Variants in P2RX4 observed in about 807,000 individuals in gnomAD.
The protein encoded by P2RX4 is P2X purinoceptor 4.
P2RX4 carries 37 observed loss-of-function variants against 48.0 expected under a neutral mutation model. That is an observed-to-expected ratio of 0.77 (90% CI 0.59 to 1.01). The LOEUF (loss-of-function observed/expected upper bound fraction) is 1.01. Ranked by LOEUF, P2RX4 falls within the 50% of genes least tolerant of loss-of-function variation. P2RX4 has a pLI of 0.00. For synonymous variants in P2RX4, 200 were observed against 199.7 expected, an observed-to-expected ratio of 1.00 and a Z score of -0.01; for missense variants, 501 against 521.4, an observed-to-expected ratio of 0.96 and a Z score of 0.38.
In P2RX4 at chr12:121,232,458, C is replaced by T. The variant is rs566926483; in HGVS notation, c.929C>T (p.Thr310Met). Residue 310 changes from threonine (T) to methionine (M), a missense_variant, in exon 9 of 12, where the codon ACG becomes ATG. Coordinates refer to ENST00000337233, the MANE Select transcript of P2RX4 (RefSeq NM_002560.3). This position sits in a 1 kb window ranked among gnomAD's most constrained non-coding sequence, Gnocchi z 4.3. ...YRDLAGNEQR[T>M]LIKAYGIRFD... ...GACCTGGCTGGCAACGAGCAGCGCACGCTCATCAAGGCCTATGGCATCCGC... is the reference window on the plus strand; with the variant it reads ...GACCTGGCTGGCAACGAGCAGCGCATGCTCATCAAGGCCTATGGCATCCGC... 49 of 1,614,130 alleles carry T rather than the reference C, an allele frequency of 3.0e-5. No individual in the cohort carries two copies. The highest frequency in any genetic ancestry group is 6.7e-5 in the East Asian group (3 of 44,872).
At chr12:121,233,370 C>T (rs1298997209) in intron 11 of P2RX4, 153 bp from the exon 12 acceptor site, 6 of 757,058 alleles carry the variant, frequency 7.9e-6, no homozygotes, top group Admixed American at 4.3e-5. Context: ...GCACACACTA[C>T]TTCAGTGCAC....
intron 2 of P2RX4, among the ~76,000 whole-genome samples, chr12:121,221,198 T>TGTGTGTGTGTGTGTG (rs1566003252): frequency 1.5e-4 from 13 of 84,348 alleles, no homozygotes; most frequent in African/African-American, 5.2e-4. Context: ...GTGTGTGTGT[T>TGTGTGTGTGTGTGTG]TTTAGTACAA....
chr12:121,223,910 C>T (rs1463931861), intron 5 of P2RX4, among the ~76,000 whole-genome samples: 1 of 152,166 alleles, frequency 6.6e-6, no homozygotes, highest in African/African-American at 2.4e-5. Context: ...CAAAGGACAA[C>T]ACCCTAGTCT....
rs762010779 is a variant in P2RX4 at position 121,221,885 on chromosome 12, G to C, written c.283-28G>C. ...GCTCTCCGTGAGTCCTCTGAGCGTGGCTTGCCCGTGCTGTCTCCCCTCTGC... is the reference window on the plus strand; with the variant it reads ...GCTCTCCGTGAGTCCTCTGAGCGTGCCTTGCCCGTGCTGTCTCCCCTCTGC... On this transcript the variant is annotated intron_variant, in intron 2 of 11. Coordinates refer to ENST00000337233, the MANE Select transcript of P2RX4 (RefSeq NM_002560.3). The C allele has an allele frequency of 1.9e-6, 3 of 1,608,750 alleles. No homozygotes were observed. The South Asian group carries it at 3.3e-5, about 18-fold the overall frequency.
Position 121,232,664 on chromosome 12 carries a change from A to G in P2RX4, c.1032A>G (p.Ala344=), listed in dbSNP as rs2136249576. 3.1e-6 allele frequency: 5 copies of G among 1,613,686 alleles called. No homozygotes were observed. Among genetic ancestry groups the G allele is most frequent in the South Asian group, 2.2e-5 (2 of 91,080 alleles). The change falls in exon 10 of 12, where the codon GCA becomes GCG. Residue 344 remains alanine, a synonymous_variant. Coordinates refer to ENST00000337233, the MANE Select transcript of P2RX4 (RefSeq NM_002560.3). This position sits in a 1 kb window ranked among gnomAD's most constrained non-coding sequence, Gnocchi z 4.3. ...TGATCAACATCGGCTCTGGCCTGGC[A>G]CTGCTAGGCATGGTGAGTGGTTTAG... ...PTMINIGSGL[A]LLGMATVLCD... is the part of the protein sequence containing the mutation.
chr12:121,219,589 A>ATGGG (rs1209973101), intron 2 of P2RX4, among the ~76,000 whole-genome samples: 1 of 98,622 alleles, frequency 1.0e-5, no homozygotes, highest in African/African-American at 3.6e-5. Context: ...GGATGGATGG[A>ATGGG]TGGATGGATG....
intron 1 of P2RX4, chr12:121,216,649 C>T (rs748457707): frequency 3.8e-5 from 12 of 316,840 alleles, no homozygotes; most frequent in African/African-American, 1.3e-4. Flanking sequence ...GGTGAAACCC[C>T]GTCTCTACTA....
Position 121,210,149 on chromosome 12 carries a change from A to G in P2RX4, c.-16A>G. The G allele has an allele frequency of 6.6e-7, 1 of 1,519,318 alleles. No individual in the cohort carries two copies. Among genetic ancestry groups the G allele is most frequent in the South Asian group, 1.2e-5 (1 of 80,836 alleles). 94.1% of individuals were successfully genotyped at this position (1,519,318 alleles called of 1,614,324 possible). ...GACCCAGACCGACTAGGGGACTGGG[A>G]GCGGGCGGCGCGGCCATGGCGGGCT... is the stretch of plus-strand genomic sequence containing the variant. On this transcript the variant is annotated 5_prime_UTR_variant, in exon 1 of 12. Coordinates refer to ENST00000337233, the MANE Select transcript of P2RX4 (RefSeq NM_002560.3).
Position 121,223,002 on chromosome 12 carries a change from G to A in P2RX4, c.483G>A (p.Val161=), listed in dbSNP as rs1470695982. ...ACGGGTCTGTCAAGACGTGTGAGGT[G>A]GCGGCCTGGTGCCCGGTGGAGGATG... ...AFNGSVKTCE[V]AAWCPVEDDT... Residue 161 remains valine (V), a synonymous_variant, in exon 5 of 12, where the codon GTG becomes GTA. Transcript: ENST00000337233. The A allele has an allele frequency of 6.2e-7, 1 of 1,613,720 alleles. No homozygotes were observed. Among genetic ancestry groups the A allele is most frequent in the African/African-American group, 1.3e-5 (1 of 75,042 alleles).
chr12:121,223,180 T>C lies in P2RX4; in HGVS notation c.524+137T>C, dbSNP rs553904763. 6.2e-5 allele frequency: 40 copies of C among 647,090 alleles called. No individual in the cohort carries two copies. In the African/African-American group the frequency reaches 7.2e-4, roughly 12 times the overall value. 40.1% of individuals were successfully genotyped at this position (647,090 alleles called of 1,614,324 possible). Reference sequence around the variant, plus strand: ...CCTCCACCTCCCGTGTTCAAGTGATTTTCTGTGCCTCAGCCTCCCGAGTAG... The same window carrying C: ...CCTCCACCTCCCGTGTTCAAGTGATCTTCTGTGCCTCAGCCTCCCGAGTAG... On this transcript the variant is annotated intron_variant, in intron 5 of 11. Coordinates refer to ENST00000337233, the MANE Select transcript of P2RX4 (RefSeq NM_002560.3).
At chr12:121,217,762 T>TAA (rs113432941) in intron 2 of P2RX4, among the ~76,000 whole-genome samples, 10 of 52,364 alleles carry the variant, frequency 1.9e-4, no homozygotes, top group Admixed American at 4.7e-4. Flanking sequence ...CCCATCTCTA[T>TAA]AAAAAAAAAA....
chr12:121,222,341 G>A lies in P2RX4; in HGVS notation c.427+175G>A, dbSNP rs535680897. 82 of 604,982 alleles carry A rather than the reference G, an allele frequency of 1.4e-4. No homozygotes were observed. The African/African-American group carries it at 1.4e-3, about 10-fold the overall frequency. The allele number at this position is 604,982 out of a possible 1,614,324, so 37.5% of individuals were successfully genotyped here. On this transcript the variant is annotated intron_variant, in intron 4 of 11. Transcript: ENST00000337233. ...CACTGCTGTCATTGGAGCCCCACAA[G>A]CCATCCCAGCTCTTGCCCTACTGTT...
intron 1 of P2RX4, chr12:121,213,426 A>G (rs1397015652): frequency 6.6e-6 from 1 of 152,258 alleles, no homozygotes; most frequent in Admixed American, 6.5e-5. Context: ...CACTGTCTCA[A>G]AAAAACAAAG....
rs1887513522 is a variant in P2RX4 at position 121,233,552 on chromosome 12, C to A, written c.*3C>A. ...TTGCTAGTGAGCTGGACCAGTGAGG[C>A]CTACCCCACACCTGGGCTCTCCACA... On this transcript the variant is annotated 3_prime_UTR_variant, in exon 12 of 12. Coordinates refer to ENST00000337233, the MANE Select transcript of P2RX4 (RefSeq NM_002560.3). 6.2e-7 allele frequency: 1 copy of A among 1,608,650 alleles called. No homozygotes were observed. Among genetic ancestry groups the A allele is most frequent in the Non-Finnish European group, 8.5e-7 (1 of 1,177,310 alleles).
chr12:121,211,922 G>A (rs370711690), intron 1 of P2RX4, among the ~76,000 whole-genome samples: 6 of 151,706 alleles, frequency 4.0e-5, no homozygotes, highest in Admixed American at 6.6e-5. Flanking sequence ...TGATCCACCC[G>A]CCGCAGCCTC....
chr12:121,218,770 G>A (rs1010616441), intron 2 of P2RX4, among the ~76,000 whole-genome samples: 1 of 152,160 alleles, frequency 6.6e-6, no homozygotes, highest in Admixed American at 6.6e-5. Flanking sequence ...GAGCTTTCAC[G>A]ACGTCTGTGT....
At chr12:121,215,265 C>A (rs530463824) in intron 1 of P2RX4, 1 of 152,186 alleles carries the variant, frequency 6.6e-6, no homozygotes, top group African/African-American at 2.4e-5. Flanking sequence ...CTTTTACCCT[C>A]ACAAGAATCC....
intron 1 of P2RX4, chr12:121,212,824 A>ATATATATATATATATTTTTTT (rs370835501): frequency 3.1e-4 from 10 of 32,246 alleles, no homozygotes; most frequent in South Asian, 2.0e-3. Flanking sequence ...ATATATATAT[A>ATATATATATATATATTTTTTT]TTTTTTTTTT....
intron 5 of P2RX4, among the ~76,000 whole-genome samples, chr12:121,225,840 A>T (rs1231981587): frequency 6.6e-6 from 1 of 152,156 alleles, no homozygotes; most frequent in African/African-American, 2.4e-5. Flanking sequence ...TAGTGTGGCT[A>T]TTAGGAAACT....
Sources: allele counts gnomAD v4.1 joint callset (sites outside exome capture counted in the v4.1 genomes callset), GRCh38; gene constraint gnomAD v4.1.1; non-coding constraint Gnocchi (gnomAD v3.1); transcripts MANE v1.5; gene names NCBI Gene and HGNC (gene_info 2026-07-23, HGNC 2026-07-21).